Variants in HS6ST1 observed in about 807,000 individuals in gnomAD.
HS6ST1 encodes heparan-sulfate 6-O-sulfotransferase 1.
HS6ST1 carries 3 observed loss-of-function variants against 25.2 expected under a neutral mutation model. The observed-to-expected ratio is 0.12, with a 90% confidence interval of 0.05 to 0.31. The LOEUF is 0.31. Ranked by LOEUF, HS6ST1 falls within the 10% of genes least tolerant of loss-of-function variation. HS6ST1 has a pLI of 1.00. For missense variants in HS6ST1, 310 were observed against 609.6 expected (o/e 0.51, Z 5.18); for synonymous variants, 204 against 275.1 (o/e 0.74, Z 2.56).
At chr2:128,288,344 T>G (rs1358164712) in intron 1 of HS6ST1, among the ~76,000 whole-genome samples, 1 of 151,992 alleles carries the variant, frequency 6.6e-6, no homozygotes, top group Non-Finnish European at 1.5e-5. Context: ...TACCCTGCTA[T>G]GAAACTGTCC....
chr2:128,298,249 G>T (rs1353732090), intron 1 of HS6ST1, among the ~76,000 whole-genome samples: 1 of 152,142 alleles, frequency 6.6e-6, no homozygotes, highest in Non-Finnish European at 1.5e-5. Context: ...ACTGTAGAAA[G>T]CAGTATGGTG....
At position 128,309,663 on chromosome 2, in the gene HS6ST1, C is replaced by T. The variant is rs553369315; in HGVS notation, c.527+8374G>A. 2.6e-5 allele frequency among the ~76,000 whole-genome samples: 4 copies of T among 152,388 alleles called. No individual in the cohort carries two copies. The East Asian group carries it at 5.8e-4, about 22-fold the overall frequency. ...TTAGTGATTTGCTCTGATGGCCCTC[C>T]TGTTGGGCCTTTTAACGTTCTCTGT... On this transcript the variant is annotated intron_variant, in intron 1 of 1. Transcript: ENST00000259241.
rs1297471765 is a variant in HS6ST1, at chr2:128,308,643, A to C, written c.527+9394T>G. On this transcript the variant is annotated intron_variant, in intron 1 of 1. Transcript: ENST00000259241. Reference sequence around the variant, plus strand: ...TCCTGGTAGAGACAGCCTTTTGTCAAATGGGCACAGTCAGGAAGGCACTGG... The same window carrying C: ...TCCTGGTAGAGACAGCCTTTTGTCACATGGGCACAGTCAGGAAGGCACTGG... Among the ~76,000 whole-genome samples, 4 of 152,174 alleles carry C rather than the reference A, an allele frequency of 2.6e-5. No individual in the cohort carries two copies. In the East Asian group the frequency reaches 5.8e-4, roughly 22 times the overall value.
intron 1 of HS6ST1, among the ~76,000 whole-genome samples, chr2:128,279,694 G>A (rs1208169201): frequency 1.3e-5 from 2 of 152,182 alleles, no homozygotes; most frequent in Non-Finnish European, 2.9e-5. Flanking sequence ...GGAGGCTGAG[G>A]TGGGAGGATC....
At chr2:128,290,284 G>T (rs966086736) in intron 1 of HS6ST1, 9 of 152,114 alleles carry the variant, frequency 5.9e-5, no homozygotes, top group African/African-American at 2.2e-4. Context: ...AAAAGAACCA[G>T]ATTTTTGTAA....
intron 1 of HS6ST1, among the ~76,000 whole-genome samples, chr2:128,281,933 G>A (rs934213420): frequency 2.6e-5 from 4 of 152,230 alleles, no homozygotes; most frequent in Non-Finnish European, 4.4e-5. Context: ...ACTAGCCCAG[G>A]CCACATGGCT....
chr2:128,314,695 C>T (rs1694335790), intron 1 of HS6ST1, among the ~76,000 whole-genome samples: 1 of 152,162 alleles, frequency 6.6e-6, no homozygotes, highest in Non-Finnish European at 1.5e-5. Flanking sequence ...AAGCACTGGT[C>T]TCTGCAGGGC....
intron 1 of HS6ST1, 47 bp from the exon 2 acceptor site, chr2:128,268,917 G>T (rs368987588): frequency 2.6e-6 from 4 of 1,522,936 alleles, no homozygotes; most frequent in Admixed American, 1.7e-5. Flanking sequence ...CGCAGCATGA[G>T]GGGGGCTACC....
intron 1 of HS6ST1, among the ~76,000 whole-genome samples, chr2:128,286,795 A>C (rs6431008): frequency 0.087 from 13,319 of 152,274 alleles, 1,957 homozygotes; most frequent in African/African-American, 0.3. Flanking sequence ...AAGGTCAGCA[A>C]AGGTTTCAGA....
intron 1 of HS6ST1, among the ~76,000 whole-genome samples, chr2:128,307,189 G>A (rs1282697133): frequency 6.6e-6 from 1 of 152,116 alleles, no homozygotes; most frequent in East Asian, 1.9e-4. Context: ...CTGCTTGTCT[G>A]GCCTTCCTGG....
intron 1 of HS6ST1, among the ~76,000 whole-genome samples, chr2:128,301,004 C>A (rs568709609): frequency 6.6e-6 from 1 of 152,234 alleles, no homozygotes; most frequent in African/African-American, 2.4e-5. Flanking sequence ...GGAATGGGAG[C>A]CCTGGGTCAC....
chr2:128,279,996 G>C (rs115296526), intron 1 of HS6ST1, among the ~76,000 whole-genome samples: 1 of 152,152 alleles, frequency 6.6e-6, no homozygotes, highest in Non-Finnish European at 1.5e-5. Flanking sequence ...GAAAGCGACC[G>C]GGCCTCACTG....
intron 1 of HS6ST1, among the ~76,000 whole-genome samples, chr2:128,278,617 G>C (rs1372775861): frequency 6.6e-6 from 1 of 152,186 alleles, no homozygotes; most frequent in African/African-American, 2.4e-5. Context: ...CACGGAGGGG[G>C]AGCTGACAAG....
At chr2:128,287,596 G>T (rs1184228412) in intron 1 of HS6ST1, among the ~76,000 whole-genome samples, 1 of 152,238 alleles carries the variant, frequency 6.6e-6, no homozygotes, top group Non-Finnish European at 1.5e-5. Context: ...TCCCAGCAGG[G>T]CCAGCTAGAG....
intron 1 of HS6ST1, among the ~76,000 whole-genome samples, chr2:128,286,691 G>A (rs6431007): frequency 0.55 from 83,465 of 152,200 alleles, 24,630 homozygotes; most frequent in East Asian, 0.77. Flanking sequence ...TAAAAAACAA[G>A]AGGCTTTATT....
intron 1 of HS6ST1, among the ~76,000 whole-genome samples, chr2:128,273,958 G>A (rs940678676): frequency 6.6e-6 from 1 of 152,118 alleles, no homozygotes; most frequent in Non-Finnish European, 1.5e-5. Context: ...GCACACTCAC[G>A]GTGGTCCCCA....
chr2:128,306,597 A>G (rs1037176825), intron 1 of HS6ST1, among the ~76,000 whole-genome samples: 1 of 152,166 alleles, frequency 6.6e-6, no homozygotes, highest in African/African-American at 2.4e-5. Context: ...CTGCAGCAGA[A>G]GGCGCTTTCT....
chr2:128,314,269 G>A (rs1221392272), intron 1 of HS6ST1, among the ~76,000 whole-genome samples: 1 of 152,152 alleles, frequency 6.6e-6, no homozygotes, highest in African/African-American at 2.4e-5. Context: ...GAGTCCCCAG[G>A]TTCTCAGGGA....
chr2:128,290,832 A>AAC (rs1693940475), intron 1 of HS6ST1, among the ~76,000 whole-genome samples: 4 of 150,944 alleles, frequency 2.6e-5, no homozygotes, highest in East Asian at 1.9e-4. Context: ...AAAAAAAAAA[A>AAC]AAAAAAAAAA....
Sources: allele counts gnomAD v4.1 joint callset (sites outside exome capture counted in the v4.1 genomes callset), GRCh38; gene constraint gnomAD v4.1.1; transcripts MANE v1.5; gene names NCBI Gene and HGNC (gene_info 2026-07-23, HGNC 2026-07-21).